The following BMPR1B variants were observed in gnomAD, a reference collection of about 807,000 sequenced individuals.
The protein encoded by BMPR1B is bone morphogenetic protein receptor type 1B, also known as bone morphogenetic protein receptor type-1B.
In BMPR1B, 12 loss-of-function variants were observed where a neutral mutation model predicts 59.1. That is an observed-to-expected ratio of 0.20 (90% CI 0.13 to 0.33). The LOEUF is 0.33. Ranked by LOEUF, BMPR1B falls within the 10% of genes least tolerant of loss-of-function variation. The probability of loss-of-function intolerance (pLI) is 1.00; values close to 1 mark genes in which losing one functional copy is unlikely to be tolerated. For synonymous variants in BMPR1B, 237 were observed against 207.3 expected (o/e 1.14, Z -1.23); for missense variants, 550 against 610.9 (o/e 0.90, Z 1.05).
At chr4:94,785,305 A>G (rs1379042910) in intron 1 of BMPR1B, among the ~76,000 whole-genome samples, 1 of 152,166 alleles carries the variant, frequency 6.6e-6, no homozygotes, top group Non-Finnish European at 1.5e-5. Flanking sequence ...GGCAAAACTA[A>G]TTATAATCAG....
At chr4:94,961,009 A>G (rs1033183242) in intron 2 of BMPR1B, among the ~76,000 whole-genome samples, 7 of 152,166 alleles carry the variant, frequency 4.6e-5, no homozygotes, top group Admixed American at 6.6e-5. Context: ...AAATAATGGT[A>G]TAGAAGGAGC....
At chr4:94,789,883 C>T (rs889662172) in intron 1 of BMPR1B, among the ~76,000 whole-genome samples, 1 of 152,104 alleles carries the variant, frequency 6.6e-6, no homozygotes, top group African/African-American at 2.4e-5. Context: ...CTGCCTCTGT[C>T]ACCCCTGAGA....
intron 1 of BMPR1B, among the ~76,000 whole-genome samples, chr4:94,758,829 G>C (rs975779969): frequency 8.6e-5 from 13 of 151,768 alleles, no homozygotes; most frequent in African/African-American, 2.9e-4. Flanking sequence ...CCGTGCGTCT[G>C]TCTCCCTCTC....
intron 1 of BMPR1B, among the ~76,000 whole-genome samples, chr4:94,779,689 C>T (rs1307429250): frequency 4.6e-5 from 7 of 151,788 alleles, no homozygotes; most frequent in Admixed American, 6.6e-5. Flanking sequence ...GAAATTAGCC[C>T]GGTGTGGTGG....
chr4:95,036,814 G>A (rs969732271), intron 3 of BMPR1B, among the ~76,000 whole-genome samples: 3 of 148,962 alleles, frequency 2.0e-5, no homozygotes, highest in African/African-American at 7.5e-5. Context: ...TGTAGTGGTT[G>A]TAGTAATTTA....
intron 2 of BMPR1B, among the ~76,000 whole-genome samples, chr4:94,973,024 G>A (rs919570794): frequency 6.6e-6 from 1 of 152,094 alleles, no homozygotes; most frequent in Non-Finnish European, 1.5e-5. Context: ...GCCCCTTGTG[G>A]GAGGGAGCAG....
chr4:94,999,006 C>G (rs1722263424), intron 3 of BMPR1B, among the ~76,000 whole-genome samples: 1 of 152,132 alleles, frequency 6.6e-6, no homozygotes, highest in Non-Finnish European at 1.5e-5. Flanking sequence ...CTTGAAAACC[C>G]TTTTCCCAAT....
intron 2 of BMPR1B, among the ~76,000 whole-genome samples, chr4:94,958,578 G>A (rs1488271742): frequency 1.3e-5 from 2 of 152,064 alleles, no homozygotes; most frequent in Admixed American, 6.6e-5. Flanking sequence ...GTCATGTTGG[G>A]TTAGGGACCA....
In BMPR1B at chr4:94,822,746, A is replaced by G. The variant is rs376445527; in HGVS notation, c.-182-53085A>G. On this transcript the variant is annotated intron_variant, in intron 1 of 12. Transcript: ENST00000515059. ...CAGATGACTACTTTGGGTGCATTCC[A>G]GGAATGCACTCTGACTTAGGCATCT... Among the ~76,000 whole-genome samples the G allele has an allele frequency of 3.9e-3, 592 of 152,242 alleles. 1 individual carries two copies. The highest frequency in any genetic ancestry group is 8.2e-3 in the Admixed American group (126 of 15,284).
At chr4:94,789,729 T>C (rs1267014117) in intron 1 of BMPR1B, among the ~76,000 whole-genome samples, 3 of 152,142 alleles carry the variant, frequency 2.0e-5, no homozygotes, top group South Asian at 2.1e-4. Context: ...ATTCCAACAA[T>C]GCAAAAACCA....
intron 3 of BMPR1B, among the ~76,000 whole-genome samples, chr4:95,015,275 CG>C (rs950133339): frequency 2.6e-5 from 4 of 152,070 alleles, no homozygotes; most frequent in Non-Finnish European, 5.9e-5. Context: ...AATTTTCAAT[CG>C]TGTGAAATCT....
intron 2 of BMPR1B, among the ~76,000 whole-genome samples, chr4:94,951,200 C>T (rs1367244222): frequency 6.6e-6 from 1 of 152,192 alleles, no homozygotes; most frequent in East Asian, 1.9e-4. Flanking sequence ...TCTAAATATA[C>T]AATCATGTCA....
At chr4:95,009,102 C>G (rs1578919677) in intron 3 of BMPR1B, among the ~76,000 whole-genome samples, 2 of 152,112 alleles carry the variant, frequency 1.3e-5, no homozygotes, top group Non-Finnish European at 2.9e-5. Context: ...TCATACCTAC[C>G]ATGTTGGTAA....
rs569261470 is a variant in BMPR1B at position 94,936,456 on chromosome 4, A to G, written c.-112-59584A>G. On this transcript the variant is annotated intron_variant, in intron 2 of 12. Transcript: ENST00000515059. The stretch of plus-strand genomic sequence containing the variant: ...TCGAAAGAAAGCCTGATGAACAGGT[A>G]TGTTTGCAGCTTCTTTGCTTTGACA... 4.6e-5 allele frequency among the ~76,000 whole-genome samples: 7 copies of G among 152,224 alleles called. No individual in the cohort carries two copies. The South Asian group carries it at 1.0e-3, about 23-fold the overall frequency.
chr4:95,026,917 A>G (rs1724463211), intron 3 of BMPR1B, among the ~76,000 whole-genome samples: 1 of 151,558 alleles, frequency 6.6e-6, no homozygotes, highest in South Asian at 2.1e-4. Flanking sequence ...TGCCACCACC[A>G]GTGGCTAATT....
chr4:94,956,863 T>C (rs1284364614), intron 2 of BMPR1B, among the ~76,000 whole-genome samples: 1 of 152,208 alleles, frequency 6.6e-6, no homozygotes, highest in Non-Finnish European at 1.5e-5. Flanking sequence ...ACTACATCTT[T>C]TTCTAATGGG....
At chr4:94,868,854 T>C (rs1157267882) in intron 1 of BMPR1B, among the ~76,000 whole-genome samples, 1 of 152,216 alleles carries the variant, frequency 6.6e-6, no homozygotes, top group Non-Finnish European at 1.5e-5. Context: ...CCCAGTTTGG[T>C]AGACTACAGC....
chr4:94,880,635 ATTTTT>A (rs35455973), intron 2 of BMPR1B, among the ~76,000 whole-genome samples: 1 of 125,262 alleles, frequency 8.0e-6, no homozygotes, highest in Non-Finnish European at 1.6e-5. Flanking sequence ...ATTAAAATGA[ATTTTT>A]TTTTTTTTTT....
intron 3 of BMPR1B, among the ~76,000 whole-genome samples, chr4:95,036,997 CCCA>C (rs955549014): frequency 1.5e-4 from 23 of 152,090 alleles, no homozygotes; most frequent in Admixed American, 1.3e-3. Context: ...TGCTGCTACT[CCCA>C]CCACCAACAG....
Sources: gnomAD v4.1 joint callset for allele counts (sites outside exome capture counted in the v4.1 genomes callset) on GRCh38, gnomAD v4.1.1 for gene constraint, MANE v1.5 for transcripts, NCBI Gene and HGNC (gene_info 2026-07-23, HGNC 2026-07-21) for gene names.